NFATC3: variants seen among roughly 807,000 people sequenced by gnomAD.
The protein encoded by NFATC3 is nuclear factor of activated T-cells, cytoplasmic 3.
In NFATC3, 46 loss-of-function variants were observed where a neutral mutation model predicts 98.6. That is an observed-to-expected ratio of 0.47 (90% CI 0.37 to 0.60). NFATC3 has a LOEUF of 0.60. NFATC3 is among the 20% of genes least tolerant of loss of function. NFATC3 has a pLI of 0.00. For missense variants in NFATC3, 1,256 were observed against 1,295.5 expected, an observed-to-expected ratio of 0.97 and a Z score of 0.47; for synonymous variants, 512 against 472.2, an observed-to-expected ratio of 1.08 and a Z score of -1.09.
At chr16:68,165,457 C>T (rs926709970) in intron 4 of NFATC3, among the ~76,000 whole-genome samples, 2 of 139,978 alleles carry the variant, frequency 1.4e-5, no homozygotes, top group Non-Finnish European at 3.0e-5. Context: ...AGTGCAGTGG[C>T]GTGATCTCAG....
At position 68,226,505 on chromosome 16, in the gene NFATC3, C is replaced by T. The variant is rs757571408; in HGVS notation, c.*34C>T. On this transcript the variant is annotated 3_prime_UTR_variant, in exon 10 of 10. Transcript: ENST00000346183. ...ACTGCAGCCTTGTGTCCACCACCAACTTCTCAGCATGTTTCTCTCCTTGGA... is the reference window on the plus strand; with the variant it reads ...ACTGCAGCCTTGTGTCCACCACCAATTTCTCAGCATGTTTCTCTCCTTGGA... 37 of 1,459,014 alleles carry T rather than the reference C, an allele frequency of 2.5e-5. No homozygotes were observed. The East Asian group carries it at 1.0e-3, about 40-fold the overall frequency. The allele number at this position is 1,459,014 out of a possible 1,614,324, so 90.4% of individuals were successfully genotyped here. A position where few individuals can be genotyped will look rare whatever the true frequency, so the allele number is the denominator to read the frequency against.
chr16:68,122,099 T>C lies in NFATC3; in HGVS notation c.216T>C (p.Ser72=), dbSNP rs1399116346. The change falls in exon 2 of 10, where the codon TCT becomes TCC. Residue 72 remains serine, a synonymous_variant. Transcript: ENST00000346183. ...ATCATGGATTACCGTCTCACTCTTCTGTTTTGTCACCATCGTTTCAGCTCC... is the reference window on the plus strand; with the variant it reads ...ATCATGGATTACCGTCTCACTCTTCCGTTTTGTCACCATCGTTTCAGCTCC... ...LPHHGLPSHS[S]VLSPSFQLQS... 1 of 1,614,156 alleles carries C rather than the reference T, an allele frequency of 6.2e-7. No individual in the cohort carries two copies.
Position 68,122,395 on chromosome 16 carries a change from C to T in NFATC3, c.512C>T (p.Ser171Phe). The change falls in exon 2 of 10, where the codon TCT becomes TTT. Residue 171 changes from serine (S) to phenylalanine (F), a missense_variant. Ser to Phe is a radical substitution (Grantham distance 155). Around this residue, in one of 3 missense-constraint regions of NFATC3, gnomAD observed 464 missense variants for 465.7 expected, o/e 1.00. Transcript: ENST00000346183. ...SLSPSPASSI[S>F]SRSWFSDASS... The stretch of plus-strand genomic sequence containing the variant: ...AGTCCTAGTCCTGCCAGCAGCATCT[C>T]TTCTAGGAGTTGGTTCTCTGATGCA... The T allele has an allele frequency of 6.2e-7, 1 of 1,614,120 alleles. No individual in the cohort carries two copies. Among genetic ancestry groups the T allele is most frequent in the East Asian group, 2.2e-5 (1 of 44,884 alleles).
At chr16:68,209,837 C>A in intron 9 of NFATC3, 1 of 364,354 alleles carries the variant, frequency 2.7e-6, no homozygotes, top group Admixed American at 3.4e-5. Flanking sequence ...CCCTGCCCCC[C>A]AACACACACA....
intron 1 of NFATC3, among the ~76,000 whole-genome samples, chr16:68,094,940 A>G (rs1473395850): frequency 2.6e-5 from 4 of 152,138 alleles, no homozygotes; most frequent in Non-Finnish European, 5.9e-5. Flanking sequence ...TCATTGACCA[A>G]AACTGGGTTA....
At chr16:68,156,046 T>C (rs1489233644) in intron 3 of NFATC3, among the ~76,000 whole-genome samples, 1 of 152,118 alleles carries the variant, frequency 6.6e-6, no homozygotes, top group Non-Finnish European at 1.5e-5. Flanking sequence ...GCTGGGTGCA[T>C]TGACTCATGC....
rs191355985 is a variant in NFATC3, at chr16:68,122,513, T to C, written c.630T>C (p.Thr210=). Residue 210 remains threonine (T), a synonymous_variant, in exon 2 of 10, where the codon ACT becomes ACC. Coordinates refer to ENST00000346183, the MANE Select transcript of NFATC3 (RefSeq NM_173165.3). Reference sequence around the variant, plus strand: ...GATTTACCCTTGGATCCCCTCTGACTTCTCCTGGTGGCTCTCCAGGGGGCT... The same window carrying C: ...GATTTACCCTTGGATCCCCTCTGACCTCTCCTGGTGGCTCTCCAGGGGGCT... ...AARFTLGSPL[T]SPGGSPGGCP... is the part of the protein sequence containing the mutation. The C allele has an allele frequency of 2.0e-5, 32 of 1,614,160 alleles. No homozygotes were observed. The Admixed American group carries it at 3.7e-4, about 18-fold the overall frequency.
intron 1 of NFATC3, among the ~76,000 whole-genome samples, chr16:68,108,883 T>C (rs1445295783): frequency 6.6e-6 from 1 of 152,212 alleles, no homozygotes; most frequent in Non-Finnish European, 1.5e-5. Flanking sequence ...GCTTGTCTCT[T>C]GTTGGCGTAA....
intron 3 of NFATC3, among the ~76,000 whole-genome samples, chr16:68,132,646 A>G (rs1166427976): frequency 6.6e-6 from 1 of 152,268 alleles, no homozygotes; most frequent in Non-Finnish European, 1.5e-5. Flanking sequence ...ATGAATAAAG[A>G]AAATGTGACA....
chr16:68,218,454 T>C (rs1488326918), intron 9 of NFATC3, among the ~76,000 whole-genome samples: 5 of 145,402 alleles, frequency 3.4e-5, no homozygotes, highest in Non-Finnish European at 3.0e-5. Context: ...GCTGTGCAGG[T>C]TGCAGTGAGC....
At chr16:68,138,040 T>A (rs1274100756) in intron 3 of NFATC3, among the ~76,000 whole-genome samples, 1 of 151,822 alleles carries the variant, frequency 6.6e-6, no homozygotes, top group African/African-American at 2.4e-5. Flanking sequence ...TAAAAAAAAA[T>A]TTTTTTTTCT....
chr16:68,219,923 C>T (rs1452125655), intron 9 of NFATC3, among the ~76,000 whole-genome samples: 1 of 152,184 alleles, frequency 6.6e-6, no homozygotes, highest in Non-Finnish European at 1.5e-5. Flanking sequence ...TGGGAAATAG[C>T]TCTAAATAAG....
intron 3 of NFATC3, among the ~76,000 whole-genome samples, chr16:68,156,742 C>T (rs926983225): frequency 5.3e-5 from 8 of 152,072 alleles, no homozygotes; most frequent in African/African-American, 1.7e-4. Flanking sequence ...GAGTTCAGAT[C>T]GCCCTGGCCA....
chr16:68,226,390 T>G lies in NFATC3; in HGVS notation c.3147T>G (p.Val1049=). The stretch of plus-strand genomic sequence containing the variant: ...GGAGAGACATGTCCCAGATTTCTGT[T>G]TCCCAAGGAGCAGGGGTGAGCAGGC... ...IIGRDMSQIS[V]SQGAGVSRQA... The change falls in exon 10 of 10, where the codon GTT becomes GTG. Residue 1049 remains valine, a synonymous_variant. Transcript: ENST00000346183. The G allele has an allele frequency of 6.4e-7, 1 of 1,568,820 alleles. No individual in the cohort carries two copies. Among genetic ancestry groups the G allele is most frequent in the Non-Finnish European group, 8.6e-7 (1 of 1,162,916 alleles).
rs543054293 is a variant in NFATC3 at position 68,218,416 on chromosome 16, A to T, written c.3107-7934A>T. On this transcript the variant is annotated intron_variant, in intron 9 of 9. Transcript: ENST00000346183. ...ATGGCAAACCCTGTTTCTACCAAAA[A>T]TTTAAGAAAAAATTGGCCAGGTTTG... Among the ~76,000 whole-genome samples the T allele has an allele frequency of 8.3e-4, 125 of 150,114 alleles. 1 individual carries two copies. Among genetic ancestry groups the T allele is most frequent in the Non-Finnish European group, 1.2e-3 (79 of 67,498 alleles).
At chr16:68,157,728 T>C (rs2038691006) in intron 3 of NFATC3, 141 bp from the exon 4 acceptor site, 1 of 601,704 alleles carries the variant, frequency 1.7e-6, no homozygotes, top group Admixed American at 3.7e-5. Context: ...GCTCACTGGT[T>C]ACTTTTGGTT....
chr16:68,180,615 A>G (rs1298961171), intron 6 of NFATC3, among the ~76,000 whole-genome samples: 1 of 152,044 alleles, frequency 6.6e-6, no homozygotes, highest in Admixed American at 6.6e-5. Flanking sequence ...CTTGTCGTTT[A>G]CATTAGATAT....
intron 9 of NFATC3, 89 bp downstream of exon 9, chr16:68,191,864 T>G: frequency 7.3e-7 from 1 of 1,371,774 alleles, no homozygotes; most frequent in Non-Finnish European, 1.0e-6. Flanking sequence ...TATGGATTGC[T>G]TATTGGCATA....
intron 3 of NFATC3, among the ~76,000 whole-genome samples, chr16:68,147,013 C>T (rs183938365): frequency 3.3e-5 from 5 of 152,278 alleles, no homozygotes; most frequent in Admixed American, 3.3e-4. Context: ...AGGCATAGCC[C>T]TATTTTTCTT....
Sources: gnomAD v4.1 joint callset for allele counts (sites outside exome capture counted in the v4.1 genomes callset) on GRCh38, gnomAD v4.1.1 for gene constraint, gnomAD v4.1.1 regional missense constraint, MANE v1.5 for transcripts, NCBI Gene and HGNC (gene_info 2026-07-23, HGNC 2026-07-21) for gene names.